The following CACNA2D3 variants were observed in gnomAD, a reference collection of about 807,000 sequenced individuals.
CACNA2D3 encodes the protein voltage-dependent calcium channel subunit alpha-2/delta-3.
CACNA2D3 carries 60 observed loss-of-function variants against 160.6 expected under a neutral mutation model. That is an observed-to-expected ratio of 0.37 (90% CI 0.30 to 0.46). The LOEUF is 0.46. CACNA2D3 is among the 20% of genes least tolerant of loss of function. The pLI is 1.00. For missense variants in CACNA2D3, 1,205 were observed against 1,365.0 expected, an observed-to-expected ratio of 0.88 and a Z score of 1.85; for synonymous variants, 558 against 492.9, an observed-to-expected ratio of 1.13 and a Z score of -1.75.
At chr3:54,235,500 GCACT>G (rs1701856554) in intron 2 of CACNA2D3, among the ~76,000 whole-genome samples, 1 of 152,156 alleles carries the variant, frequency 6.6e-6, no homozygotes, top group Admixed American at 6.5e-5. Flanking sequence ...GACCTCGTGA[GCACT>G]CACTCATTGT....
chr3:55,025,573 G>T (rs1703547624), intron 35 of CACNA2D3, among the ~76,000 whole-genome samples: 1 of 144,404 alleles, frequency 6.9e-6, no homozygotes, highest in Non-Finnish European at 1.5e-5. Context: ...GGCGGAGGTT[G>T]CAGTGAGCCA....
chr3:55,056,557 G>C (rs1228649096), intron 35 of CACNA2D3, among the ~76,000 whole-genome samples: 1 of 152,160 alleles, frequency 6.6e-6, no homozygotes, highest in African/African-American at 2.4e-5. Context: ...ATCAACCTAA[G>C]TGTTCATCAA....
chr3:54,220,237 G>T (rs576179713), intron 2 of CACNA2D3, among the ~76,000 whole-genome samples: 2 of 151,824 alleles, frequency 1.3e-5, no homozygotes, highest in Non-Finnish European at 2.9e-5. Context: ...TATTTTTCTC[G>T]CATGGATTGC....
At chr3:54,186,537 C>G (rs998645879) in intron 2 of CACNA2D3, among the ~76,000 whole-genome samples, 2 of 152,116 alleles carry the variant, frequency 1.3e-5, no homozygotes, top group Non-Finnish European at 2.9e-5. Flanking sequence ...TCTTTCTTTA[C>G]TTTTTAGAGA....
At chr3:54,392,577 G>T (rs1699300040) in intron 4 of CACNA2D3, among the ~76,000 whole-genome samples, 1 of 152,162 alleles carries the variant, frequency 6.6e-6, no homozygotes, top group Non-Finnish European at 1.5e-5. Context: ...GAAGGGAAAG[G>T]AGCTGGCAGC....
At chr3:54,188,163 T>C (rs1700910635) in intron 2 of CACNA2D3, among the ~76,000 whole-genome samples, 1 of 152,196 alleles carries the variant, frequency 6.6e-6, no homozygotes, top group African/African-American at 2.4e-5. Context: ...GCGTAGGTCA[T>C]GGTTGTGCTT....
intron 2 of CACNA2D3, among the ~76,000 whole-genome samples, chr3:54,275,808 A>G (rs569026968): frequency 7.2e-5 from 11 of 151,996 alleles, no homozygotes; most frequent in African/African-American, 2.4e-4. Context: ...AGTAGAGATG[A>G]GGTTTCATCA....
At chr3:54,381,645 C>T (rs1034912947) in intron 3 of CACNA2D3, among the ~76,000 whole-genome samples, 1 of 152,152 alleles carries the variant, frequency 6.6e-6, no homozygotes, top group African/African-American at 2.4e-5. Flanking sequence ...GGAAACGGGA[C>T]ACTGTGCATT....
At chr3:54,670,272 G>A (rs986132547) in intron 11 of CACNA2D3, among the ~76,000 whole-genome samples, 4 of 152,240 alleles carry the variant, frequency 2.6e-5, no homozygotes, top group Non-Finnish European at 4.4e-5. Flanking sequence ...AGGCTGTGTC[G>A]GCACAAGCTG....
chr3:54,801,652 C>CT (rs1048854637), intron 13 of CACNA2D3, among the ~76,000 whole-genome samples: 1 of 152,020 alleles, frequency 6.6e-6, no homozygotes, highest in African/African-American at 2.4e-5. Context: ...CTTTAAATGT[C>CT]TTTTTTTGGC....
In CACNA2D3 at chr3:54,470,577, C is replaced by T. The variant is rs1378151921; in HGVS notation, c.382-32915C>T. Among the ~76,000 whole-genome samples, 8 of 152,148 alleles carry T rather than the reference C, an allele frequency of 5.3e-5. No homozygotes were observed. The East Asian group carries it at 1.5e-3, about 29-fold the overall frequency. ...TCATAATGAAAGGATCAAATTCCTA[C>T]ATAACAATAATAACCTTAAATGTAA... On this transcript the variant is annotated intron_variant, in intron 4 of 37. Transcript: ENST00000474759.
intron 2 of CACNA2D3, among the ~76,000 whole-genome samples, chr3:54,161,460 T>C (rs11914927): frequency 0.27 from 40,975 of 152,180 alleles, 5,597 homozygotes; most frequent in East Asian, 0.35. Flanking sequence ...CCAGGGAGGA[T>C]CCCTGAATTG....
At chr3:55,071,816 G>A (rs974594150) in intron 35 of CACNA2D3, among the ~76,000 whole-genome samples, 3 of 152,156 alleles carry the variant, frequency 2.0e-5, no homozygotes, top group African/African-American at 7.2e-5. Flanking sequence ...TCATCTGGCA[G>A]ACACACTTGG....
At chr3:54,589,154 G>A (rs1702814271) in intron 9 of CACNA2D3, among the ~76,000 whole-genome samples, 1 of 151,984 alleles carries the variant, frequency 6.6e-6, no homozygotes, top group South Asian at 2.1e-4. Context: ...AGAGAATGTG[G>A]CATTAGAAGA....
rs145020177 is a variant in CACNA2D3, at chr3:54,767,477, G to A, written c.1380+3126G>A. On this transcript the variant is annotated intron_variant, in intron 13 of 37. Coordinates refer to ENST00000474759, the MANE Select transcript of CACNA2D3 (RefSeq NM_018398.3). ...CAAATGTGTAAATGCTGAAGACAGG[G>A]GATCTGCCTATGGGATTAGACTTGA... Among the ~76,000 whole-genome samples the A allele has an allele frequency of 5.3e-3, 808 of 152,098 alleles. 14 individuals are homozygous for A. The highest frequency in any genetic ancestry group is 0.019 in the African/African-American group (771 of 41,492).
intron 31 of CACNA2D3, among the ~76,000 whole-genome samples, chr3:54,988,053 CGAA>C (rs1559456023): frequency 6.6e-6 from 1 of 152,050 alleles, no homozygotes; most frequent in African/African-American, 2.4e-5. Flanking sequence ...CAAGTCACTG[CGAA>C]GAAGTAGGAA....
At chr3:54,701,953 A>G (rs1308197011) in intron 11 of CACNA2D3, among the ~76,000 whole-genome samples, 1 of 152,150 alleles carries the variant, frequency 6.6e-6, no homozygotes, top group African/African-American at 2.4e-5. Flanking sequence ...AAATAAAGCC[A>G]CACACCTACA....
intron 4 of CACNA2D3, among the ~76,000 whole-genome samples, chr3:54,462,419 T>A (rs2106846697): frequency 6.6e-6 from 1 of 152,338 alleles, no homozygotes; most frequent in Non-Finnish European, 1.5e-5. Context: ...TAAGTCTCTT[T>A]GTATGTCACT....
chr3:54,476,141 T>G (rs937435731), intron 4 of CACNA2D3, among the ~76,000 whole-genome samples: 9 of 150,186 alleles, frequency 6.0e-5, no homozygotes, highest in African/African-American at 2.2e-4. Context: ...AATGTCCTCC[T>G]GGTTCGTCCG....
Sources: gnomAD v4.1 joint callset for allele counts (sites outside exome capture counted in the v4.1 genomes callset) on GRCh38, gnomAD v4.1.1 for gene constraint, MANE v1.5 for transcripts, NCBI Gene and HGNC (gene_info 2026-07-23, HGNC 2026-07-21) for gene names.